Variants in TAB1 observed in about 807,000 individuals in gnomAD.
The protein encoded by TAB1 is TGF-beta activated kinase 1 (MAP3K7) binding protein 1.
Under a neutral mutation model 54.5 loss-of-function variants are expected in TAB1, and 30 were observed. The ratio of observed to expected loss-of-function variants is 0.55; its 90% CI spans 0.41 to 0.75. TAB1 has a LOEUF of 0.75. TAB1 is among the 30% of genes least tolerant of loss of function. The pLI is 0.00. For synonymous variants in TAB1, 289 were observed against 286.9 expected, an observed-to-expected ratio of 1.01 and a Z score of -0.07; for missense variants, 609 against 683.2, an observed-to-expected ratio of 0.89 and a Z score of 1.21.
intron 10 of TAB1, 44 bp downstream of exon 10, chr22:39,428,227 C>A: frequency 7.3e-7 from 1 of 1,360,716 alleles, no homozygotes; most frequent in South Asian, 1.3e-5. Flanking sequence ...CTGTCACCCC[C>A]GTGTGTGTCC....
chr22:39,417,340 G>T (rs1422897095), intron 4 of TAB1, among the ~76,000 whole-genome samples: 4 of 152,232 alleles, frequency 2.6e-5, no homozygotes, highest in African/African-American at 4.8e-5. Flanking sequence ...GCAAAGGGAG[G>T]CCGGGCATGG....
Position 39,430,648 on chromosome 22 carries a change from CG to C in TAB1, c.*429del, listed in dbSNP as rs1364683585. The C allele has an allele frequency of 9.2e-7, 1 of 1,083,664 alleles. No individual in the cohort carries two copies. The allele number at this position is 1,083,664 out of a possible 1,614,324, so 67.1% of individuals were successfully genotyped here. ...CCTCCCACCATCACCTCCCTCACCTCGGGACAGTAGCCCTCCACTTCTCCAG... is the reference window on the plus strand; with the variant it reads ...CCTCCCACCATCACCTCCCTCACCTCGGACAGTAGCCCTCCACTTCTCCAG... On this transcript the variant is annotated 3_prime_UTR_variant, in exon 11 of 11. Coordinates refer to ENST00000216160, the MANE Select transcript of TAB1 (RefSeq NM_006116.3).
At chr22:39,432,601 GC>G (rs1927628851), downstream of TAB1, 1 of 303,724 alleles carries the variant, frequency 3.3e-6, no homozygotes, top group Non-Finnish European at 4.8e-6. Context: ...GACCACCATG[GC>G]CCCTGAACAC....
Position 39,399,850 on chromosome 22 carries a change from C to A in TAB1, c.33+15C>A, listed in dbSNP as rs191555430. On this transcript the variant is annotated intron_variant, in intron 1 of 10. Coordinates refer to ENST00000216160, the MANE Select transcript of TAB1 (RefSeq NM_006116.3). ...TGCTGCAGAGTGTGAGGAACAGGCC[C>A]GCTCTCTGGGCTTGGGGTTGGGAGC... is the stretch of plus-strand genomic sequence containing the variant. 6.3e-6 allele frequency: 10 copies of A among 1,592,558 alleles called. No individual in the cohort carries two copies. In the African/African-American group the frequency reaches 9.4e-5, roughly 15 times the overall value.
At chr22:39,414,753 A>G (rs1926749783) in intron 1 of TAB1, 2 of 483,712 alleles carry the variant, frequency 4.1e-6, no homozygotes, top group East Asian at 3.8e-5. Context: ...CCTGGAGGTC[A>G]TTGCTGCGCC....
chr22:39,434,989 C>T (rs546380193), downstream of TAB1, among the ~76,000 whole-genome samples: 10 of 152,212 alleles, frequency 6.6e-5, no homozygotes, highest in Non-Finnish European at 1.3e-4. Flanking sequence ...GGATGCTCCT[C>T]CAGTCATCCC....
intron 1 of TAB1, among the ~76,000 whole-genome samples, chr22:39,403,459 G>GTGGA (rs1183502906): frequency 6.6e-6 from 1 of 152,210 alleles, no homozygotes; most frequent in Non-Finnish European, 1.5e-5. Context: ...GTGCAGCTGG[G>GTGGA]TGGAGTGCCT....
At chr22:39,434,783 G>A (rs1927723715), downstream of TAB1, among the ~76,000 whole-genome samples, 1 of 152,258 alleles carries the variant, frequency 6.6e-6, no homozygotes, top group Non-Finnish European at 1.5e-5. Flanking sequence ...CCATCACAGA[G>A]GGGCCAGGGC....
chr22:39,426,760 G>A lies in TAB1; in HGVS notation c.979G>A (p.Ala327Thr), dbSNP rs1450119780. The A allele has an allele frequency of 1.9e-6, 3 of 1,613,918 alleles. No individual in the cohort carries two copies. Among genetic ancestry groups the A allele is most frequent in the Non-Finnish European group, 2.5e-6 (3 of 1,179,862 alleles). ...FAKQTSLDAV[A>T]QAVVDRVKRI... ...CAAGCAGACCTCCCTGGACGCAGTGGCCCAGGCCGTCGTGGACCGGGTGAA... is the reference window on the plus strand; with the variant it reads ...CAAGCAGACCTCCCTGGACGCAGTGACCCAGGCCGTCGTGGACCGGGTGAA... Residue 327 changes from alanine to threonine, a missense_variant, in exon 9 of 11, where the codon GCC becomes ACC. Coordinates refer to ENST00000216160, the MANE Select transcript of TAB1 (RefSeq NM_006116.3).
At chr22:39,407,469 T>C (rs1926413722) in intron 1 of TAB1, among the ~76,000 whole-genome samples, 1 of 151,890 alleles carries the variant, frequency 6.6e-6, no homozygotes, top group Non-Finnish European at 1.5e-5. Flanking sequence ...GCTATGGCCC[T>C]GATCATTTGT....
chr22:39,424,774 A>G (rs2145679108), intron 8 of TAB1, among the ~76,000 whole-genome samples: 1 of 152,188 alleles, frequency 6.6e-6, no homozygotes, highest in East Asian at 1.9e-4. Flanking sequence ...TACCTGTTAT[A>G]TAAGCTTACC....
chr22:39,403,088 G>A (rs925960530), intron 1 of TAB1, among the ~76,000 whole-genome samples: 11 of 152,254 alleles, frequency 7.2e-5, no homozygotes, highest in Admixed American at 4.6e-4. Flanking sequence ...CAGTGCTGCC[G>A]TGAGTGAATG....
chr22:39,430,987 C>A lies in TAB1; in HGVS notation c.*765C>A. 1.0e-6 allele frequency: 1 copy of A among 986,500 alleles called. No homozygotes were observed. Among genetic ancestry groups the A allele is most frequent in the Non-Finnish European group, 1.2e-6 (1 of 830,766 alleles). The allele number at this position is 986,500 out of a possible 1,614,324, so 61.1% of individuals were successfully genotyped here. A position where few individuals can be genotyped will look rare whatever the true frequency, so the allele number is the denominator to read the frequency against. On this transcript the variant is annotated 3_prime_UTR_variant, in exon 11 of 11. Coordinates refer to ENST00000216160, the MANE Select transcript of TAB1 (RefSeq NM_006116.3). Reference sequence around the variant, plus strand: ...AGGGGCCGCTGTCGTCAGGCCTGAGCCAGGGTGAGCTGGTGCCTGCCTTGC... The same window carrying A: ...AGGGGCCGCTGTCGTCAGGCCTGAGACAGGGTGAGCTGGTGCCTGCCTTGC...
At chr22:39,400,241 T>C (rs1414001849) in intron 1 of TAB1, among the ~76,000 whole-genome samples, 1 of 152,210 alleles carries the variant, frequency 6.6e-6, no homozygotes, top group African/African-American at 2.4e-5. Flanking sequence ...TGCTTTACAT[T>C]TGTCAGTTTC....
At chr22:39,400,406 T>C (rs1926085405) in intron 1 of TAB1, among the ~76,000 whole-genome samples, 1 of 152,142 alleles carries the variant, frequency 6.6e-6, no homozygotes, top group Non-Finnish European at 1.5e-5. Flanking sequence ...CCTTAACCCC[T>C]GGGCTGTACT....
chr22:39,406,692 G>A (rs1321645099), intron 1 of TAB1, among the ~76,000 whole-genome samples: 1 of 151,844 alleles, frequency 6.6e-6, no homozygotes, highest in Non-Finnish European at 1.5e-5. Flanking sequence ...GAGTGCAGTG[G>A]CGCCATCTCG....
intron 10 of TAB1, chr22:39,429,435 CTAGCCACTTGTGGCTAT>C (rs1927491110): frequency 2.2e-6 from 2 of 892,030 alleles, no homozygotes; most frequent in South Asian, 1.0e-4. Flanking sequence ...CACGGCGTCT[CTAGCCACTTGTGGCTAT>C]TAGACGCTTG....
chr22:39,403,640 CTT>C (rs35800128), intron 1 of TAB1, among the ~76,000 whole-genome samples: 9 of 137,334 alleles, frequency 6.6e-5, no homozygotes, highest in Admixed American at 1.5e-4. Context: ...AAAAATCCCT[CTT>C]TTTTTTTTTT....
downstream of TAB1, chr22:39,432,942 G>A (rs1288722542): frequency 1.0e-6 from 1 of 985,330 alleles, no homozygotes; most frequent in East Asian, 1.1e-4. Context: ...AGGAGTCAAG[G>A]TAAGGAAAGT....
Sources: allele counts gnomAD v4.1 joint callset (sites outside exome capture counted in the v4.1 genomes callset), GRCh38; gene constraint gnomAD v4.1.1; transcripts MANE v1.5; gene names NCBI Gene and HGNC (gene_info 2026-07-23, HGNC 2026-07-21).